The following EPS8 variants were observed in gnomAD, a reference collection of about 807,000 sequenced individuals.
EPS8 encodes EGFR pathway substrate 8, signaling adaptor, also known as epidermal growth factor receptor kinase substrate 8.
In EPS8, 42 loss-of-function variants were observed where a neutral mutation model predicts 103.8. The observed-to-expected ratio is 0.40, with a 90% CI of 0.32 to 0.52. The LOEUF is 0.52. EPS8 is among the 20% of genes least tolerant of loss of function. The pLI, the probability that EPS8 is intolerant of heterozygous loss-of-function variation, is 0.40. For missense variants in EPS8, 969 were observed against 1,005.1 expected, an observed-to-expected ratio of 0.96 and a Z score of 0.49; for synonymous variants, 344 against 344.6, an observed-to-expected ratio of 1.00 and a Z score of 0.02.
At chr12:15,744,421 T>C (rs917135464) in intron 1 of EPS8, among the ~76,000 whole-genome samples, 3 of 152,198 alleles carry the variant, frequency 2.0e-5, no homozygotes, top group Admixed American at 6.5e-5. Flanking sequence ...AAGGATGAAC[T>C]ATAGTGAGTG....
chr12:15,672,561 C>T (rs1945835309), intron 3 of EPS8: 1 of 397,730 alleles, frequency 2.5e-6, no homozygotes, highest in Non-Finnish European at 4.4e-6. Context: ...ATTTTCTCTC[C>T]CAATATAACA....
intron 1 of EPS8, among the ~76,000 whole-genome samples, chr12:15,715,966 G>C (rs551818137): frequency 2.6e-5 from 4 of 151,244 alleles, no homozygotes; most frequent in Non-Finnish European, 5.9e-5. Context: ...CCAATGGAGA[G>C]AACAGCAGAA....
At position 15,682,083 on chromosome 12, in the gene EPS8, A is replaced by G. The variant is rs537629170; in HGVS notation, c.60-781T>C. On this transcript the variant is annotated intron_variant, in intron 2 of 20. Transcript: ENST00000281172. ...ACTTTACTACCGCATTGACACAAGC[A>G]GAATCTAAATGAATGGAAAGAAGCT... is the stretch of plus-strand genomic sequence containing the variant. Among the ~76,000 whole-genome samples the G allele has an allele frequency of 2.6e-5, 4 of 152,328 alleles. No homozygotes were observed. The East Asian group carries it at 7.7e-4, about 29-fold the overall frequency.
chr12:15,707,792 T>A (rs1486122699), intron 1 of EPS8, among the ~76,000 whole-genome samples: 2 of 152,320 alleles, frequency 1.3e-5, no homozygotes, highest in South Asian at 4.1e-4. Context: ...GTGTTCATTT[T>A]TCATTAGACT....
intron 12 of EPS8, among the ~76,000 whole-genome samples, chr12:15,655,970 A>T (rs1375092142): frequency 6.6e-6 from 1 of 152,208 alleles, no homozygotes; most frequent in Admixed American, 6.5e-5. Flanking sequence ...ATGATTGGAG[A>T]GACCATTAAT....
At chr12:15,661,268 T>A in intron 9 of EPS8, among the ~76,000 whole-genome samples, 1 of 152,164 alleles carries the variant, frequency 6.6e-6, no homozygotes, top group East Asian at 1.9e-4. Context: ...AATTTGATTA[T>A]CTTATATACT....
intron 1 of EPS8, among the ~76,000 whole-genome samples, chr12:15,710,101 T>A (rs200352950): frequency 1.4e-5 from 2 of 141,318 alleles, no homozygotes; most frequent in African/African-American, 5.1e-5. Flanking sequence ...GGGGGACCCC[T>A]GGCTTAAGGG....
chr12:15,665,900 A>T lies in EPS8; in HGVS notation c.600-8T>A, dbSNP rs1398576431. The T allele has an allele frequency of 6.2e-7, 1 of 1,613,072 alleles. No individual in the cohort carries two copies. Among genetic ancestry groups the T allele is most frequent in the Non-Finnish European group, 8.5e-7 (1 of 1,179,620 alleles). ...TCTGCATTGGAAATCATCCTTAAAA[A>T]GATGAAAACAAATAGAATTTTTACC... On this transcript the variant is annotated splice_region_variant and splice_polypyrimidine_tract_variant and intron_variant, in intron 7 of 20. Coordinates refer to ENST00000281172, the MANE Select transcript of EPS8 (RefSeq NM_004447.6).
chr12:15,675,586 G>A (rs1352856663), intron 3 of EPS8, among the ~76,000 whole-genome samples: 6 of 152,096 alleles, frequency 3.9e-5, no homozygotes, highest in African/African-American at 7.2e-5. Context: ...GCAACAGAGC[G>A]AGACCCTATC....
rs777316625 is a variant in EPS8, at chr12:15,631,487, T to C, written c.1999A>G (p.Ser667Gly). The part of the protein sequence containing the change: ...QNSSSSDSGG[S>G]IVRDSQRHKQ... Reference sequence around the variant, plus strand: ...TGTCTCTGGCTGTCTCGCACGATACTGCCACCACTGTCACTGGAGCTGCTG... The same window carrying C: ...TGTCTCTGGCTGTCTCGCACGATACCGCCACCACTGTCACTGGAGCTGCTG... The change falls in exon 18 of 21, where the codon AGT (serine) becomes GGT (glycine). Residue 667 changes from serine to glycine, a missense_variant. Transcript: ENST00000281172. 6 of 1,614,064 alleles carry C rather than the reference T, an allele frequency of 3.7e-6. No individual in the cohort carries two copies. In the South Asian group the frequency reaches 5.5e-5, roughly 15 times the overall value.
At chr12:15,788,592 A>T (rs1030205991) in intron 1 of EPS8, among the ~76,000 whole-genome samples, 2 of 152,242 alleles carry the variant, frequency 1.3e-5, no homozygotes, top group Admixed American at 1.3e-4. Flanking sequence ...TCCCAAAAGT[A>T]AAATGGTGAG....
chr12:15,740,539 C>T (rs1946809873), intron 1 of EPS8, among the ~76,000 whole-genome samples: 2 of 150,508 alleles, frequency 1.3e-5, no homozygotes, highest in South Asian at 2.1e-4. Flanking sequence ...AGCAAGACTC[C>T]ATCTAGAAAA....
chr12:15,653,408 CTCTATATGCTCATT>C (rs953412147), intron 13 of EPS8, among the ~76,000 whole-genome samples: 1 of 151,912 alleles, frequency 6.6e-6, no homozygotes, highest in African/African-American at 2.4e-5. Flanking sequence ...ATATGCTCAT[CTCTATATGCTCATT>C]TTAATACCAT....
rs1213555378 is a variant in EPS8, at chr12:15,713,032, G to A, written c.-21-30060C>T. On this transcript the variant is annotated intron_variant, in intron 1 of 20. Transcript: ENST00000281172. This position sits in a 1 kb window ranked among gnomAD's most constrained non-coding sequence, Gnocchi z 4.8. The stretch of plus-strand genomic sequence containing the variant: ...AAATTTCTGATTTGGTTTCTCTAGG[G>A]CGTTAACTAAGATTTCCTCCTCTTG... 1 of 982,952 alleles carries A rather than the reference G, an allele frequency of 1.0e-6. No homozygotes were observed. The highest frequency in any genetic ancestry group is 1.2e-6 in the Non-Finnish European group (1 of 827,848). The allele number at this position is 982,952 out of a possible 1,614,324, so 60.9% of individuals were successfully genotyped here.
At chr12:15,743,750 C>CA (rs1330987684) in intron 1 of EPS8, among the ~76,000 whole-genome samples, 1 of 152,048 alleles carries the variant, frequency 6.6e-6, no homozygotes, top group Non-Finnish European at 1.5e-5. Context: ...ACACCTTATA[C>CA]AAAATTAATT....
intron 3 of EPS8, among the ~76,000 whole-genome samples, chr12:15,680,453 C>T (rs1945985689): frequency 6.6e-6 from 1 of 152,078 alleles, no homozygotes; most frequent in African/African-American, 2.4e-5. Context: ...TGAGATACCC[C>T]CATTACACAG....
intron 1 of EPS8, among the ~76,000 whole-genome samples, chr12:15,737,666 AAC>A (rs1452564083): frequency 6.6e-6 from 1 of 152,198 alleles, no homozygotes; most frequent in Admixed American, 6.5e-5. Context: ...TAAAACTGAA[AAC>A]AGAAAGTCCG....
intron 8 of EPS8, 134 bp downstream of exon 8, chr12:15,665,622 C>T (rs1044809053): frequency 7.4e-5 from 79 of 1,062,944 alleles, no homozygotes; most frequent in Middle Eastern, 4.8e-4. Context: ...TGAGCCACTG[C>T]GCCCGGCCAG....
Position 15,748,129 on chromosome 12 carries a change from A to G in EPS8, c.-22+41032T>C, listed in dbSNP as rs1946894641. Among the ~76,000 whole-genome samples, 1 of 152,160 alleles carries G rather than the reference A, an allele frequency of 6.6e-6. No individual in the cohort carries two copies. Among genetic ancestry groups the G allele is most frequent in the South Asian group, 2.1e-4 (1 of 4,830 alleles). ...GCCAAGCCCCGCAACTTAATAACCC[A>G]CAGTCAAATCTCAGAGCCTCTTATC... is the stretch of plus-strand genomic sequence containing the variant. On this transcript the variant is annotated intron_variant, in intron 1 of 20. Transcript: ENST00000281172. This position sits in a 1 kb window ranked among gnomAD's most constrained non-coding sequence, Gnocchi z 4.8.
Sources: allele counts gnomAD v4.1 joint callset (sites outside exome capture counted in the v4.1 genomes callset), GRCh38; gene constraint gnomAD v4.1.1; non-coding constraint Gnocchi (gnomAD v3.1); transcripts MANE v1.5; gene names NCBI Gene and HGNC (gene_info 2026-07-23, HGNC 2026-07-21).